SCFD2: variants seen among roughly 807,000 people sequenced by gnomAD.
The protein encoded by SCFD2 is sec1 family domain containing 2.
SCFD2 carries 54 observed loss-of-function variants against 58.9 expected under a neutral mutation model. The ratio of observed to expected loss-of-function variants is 0.92; its 90% CI spans 0.74 to 1.15. The LOEUF (loss-of-function observed/expected upper bound fraction) is 1.15, where lower values mean the gene tolerates loss of function less well. Ranked by LOEUF, SCFD2 falls within the 50% of genes most tolerant of loss-of-function variation. The pLI is 0.00. For synonymous variants in SCFD2, 321 were observed against 335.9 expected, an observed-to-expected ratio of 0.96 and a Z score of 0.49; for missense variants, 805 against 836.6, an observed-to-expected ratio of 0.96 and a Z score of 0.47.
At chr4:53,140,252 T>C (rs183407378) in intron 5 of SCFD2, among the ~76,000 whole-genome samples, 3,123 of 151,216 alleles carry the variant, frequency 0.021, 41 homozygotes, top group Middle Eastern at 0.048. Flanking sequence ...GGGATATCAT[T>C]TAAACACAGT....
chr4:53,059,557 C>A (rs1163407440), intron 5 of SCFD2, among the ~76,000 whole-genome samples: 2 of 152,058 alleles, frequency 1.3e-5, no homozygotes, highest in Non-Finnish European at 2.9e-5. Context: ...AAAGCAGAGC[C>A]TGGTTTAGTG....
intron 5 of SCFD2, among the ~76,000 whole-genome samples, chr4:53,053,047 A>G (rs1380384966): frequency 6.6e-6 from 1 of 152,122 alleles, no homozygotes; most frequent in African/African-American, 2.4e-5. Flanking sequence ...CAACATGGTG[A>G]AACCCTGTCT....
Position 52,926,194 on chromosome 4 carries a change from T to C in SCFD2, c.1562-5324A>G, listed in dbSNP as rs138121433. On this transcript the variant is annotated intron_variant, in intron 5 of 8. Transcript: ENST00000401642. ...CCAGTCTACCTAGTTCTCTTCTGTT[T>C]GGTTCTCTCAGGAAACAGTCTTGAA... Among the ~76,000 whole-genome samples, 91 of 152,238 alleles carry C rather than the reference T, an allele frequency of 6.0e-4. 1 individual carries two copies. The East Asian group carries it at 0.016, about 26-fold the overall frequency.
intron 4 of SCFD2, among the ~76,000 whole-genome samples, chr4:53,213,003 A>T (rs1728671898): frequency 6.6e-6 from 1 of 152,132 alleles, no homozygotes. Flanking sequence ...ATGTACGAAT[A>T]AGGCTGTTCT....
chr4:53,236,007 A>C (rs1729593930), intron 4 of SCFD2, among the ~76,000 whole-genome samples: 1 of 152,172 alleles, frequency 6.6e-6, no homozygotes, highest in Non-Finnish European at 1.5e-5. Context: ...TGTGATGGTT[A>C]ATATTGAGTG....
rs538909777 is a variant in SCFD2 at position 52,962,037 on chromosome 4, T to C, written c.1562-41167A>G. ...GATGTTGAGTCCCTGCACCTCTGAA[T>C]TGAGAGGATAGTGGTTCCACTGATG... On this transcript the variant is annotated intron_variant, in intron 5 of 8. Transcript: ENST00000401642. 2.6e-5 allele frequency among the ~76,000 whole-genome samples: 4 copies of C among 152,296 alleles called. No homozygotes were observed. In the East Asian group the frequency reaches 5.8e-4, roughly 22 times the overall value.
At chr4:53,215,474 G>C (rs1728790206) in intron 4 of SCFD2, among the ~76,000 whole-genome samples, 1 of 152,138 alleles carries the variant, frequency 6.6e-6, no homozygotes, top group Non-Finnish European at 1.5e-5. Flanking sequence ...AAGAATGCTT[G>C]TGATTTTTGC....
chr4:53,059,041 G>C (rs942630291), intron 5 of SCFD2, among the ~76,000 whole-genome samples: 7 of 152,110 alleles, frequency 4.6e-5, no homozygotes, highest in Non-Finnish European at 7.4e-5. Flanking sequence ...CAAGGGTGTA[G>C]AGTAGAGCCA....
At chr4:53,046,769 G>A (rs181746036) in intron 5 of SCFD2, among the ~76,000 whole-genome samples, 1 of 152,222 alleles carries the variant, frequency 6.6e-6, no homozygotes, top group East Asian at 1.9e-4. Context: ...CCAGGTTCAA[G>A]CAATTCTCCT....
chr4:52,877,144 G>A (rs1290398136), intron 8 of SCFD2, among the ~76,000 whole-genome samples: 1 of 152,214 alleles, frequency 6.6e-6, no homozygotes, highest in Non-Finnish European at 1.5e-5. Context: ...CTCGGGTAGT[G>A]TGCTGGGCTT....
chr4:52,893,887 G>C (rs928038057), intron 7 of SCFD2, among the ~76,000 whole-genome samples: 3 of 152,272 alleles, frequency 2.0e-5, no homozygotes, highest in East Asian at 3.9e-4. Flanking sequence ...CCTTACTGAG[G>C]CCTCTCTCAT....
intron 5 of SCFD2, among the ~76,000 whole-genome samples, chr4:53,085,774 T>C (rs563260163): frequency 6.6e-6 from 1 of 152,160 alleles, no homozygotes; most frequent in South Asian, 2.1e-4. Context: ...GCCAAAAATA[T>C]ACATTGGAGA....
intron 4 of SCFD2, among the ~76,000 whole-genome samples, chr4:53,247,959 C>T (rs753379464): frequency 4.6e-5 from 7 of 151,866 alleles, no homozygotes; most frequent in Non-Finnish European, 1.0e-4. Context: ...TCTACAGCTG[C>T]CAGCGTGAGC....
chr4:53,267,269 G>A (rs1052147483), intron 4 of SCFD2, among the ~76,000 whole-genome samples: 2 of 152,110 alleles, frequency 1.3e-5, no homozygotes, highest in Admixed American at 6.6e-5. Flanking sequence ...GGGGAAAAAC[G>A]AAAGGTTGTC....
chr4:52,958,461 C>T (rs1720763248), intron 5 of SCFD2, among the ~76,000 whole-genome samples: 1 of 152,180 alleles, frequency 6.6e-6, no homozygotes, highest in African/African-American at 2.4e-5. Context: ...ACGTTCCTTT[C>T]AGCAGTAACA....
intron 4 of SCFD2, among the ~76,000 whole-genome samples, chr4:53,164,128 G>A (rs1198692028): frequency 1.3e-5 from 2 of 152,108 alleles, no homozygotes; most frequent in Non-Finnish European, 2.9e-5. Context: ...ATAAGGTACT[G>A]TATATTTGTT....
intron 5 of SCFD2, among the ~76,000 whole-genome samples, chr4:53,133,588 G>T (rs1725856205): frequency 6.6e-6 from 1 of 152,160 alleles, no homozygotes; most frequent in African/African-American, 2.4e-5. Flanking sequence ...CTTTTCCAAA[G>T]AAGAGAGATA....
intron 4 of SCFD2, among the ~76,000 whole-genome samples, chr4:53,255,491 T>C (rs1730578765): frequency 6.6e-6 from 1 of 151,986 alleles, no homozygotes; most frequent in Admixed American, 6.6e-5. Flanking sequence ...TAACCCTGAG[T>C]GGACACAGCA....
chr4:53,176,812 G>A (rs1727344904), intron 4 of SCFD2, among the ~76,000 whole-genome samples: 1 of 152,080 alleles, frequency 6.6e-6, no homozygotes, highest in Non-Finnish European at 1.5e-5. Context: ...AGCTGGGTGT[G>A]GTGGTGGTTG....
Sources: gnomAD v4.1 joint callset for allele counts (sites outside exome capture counted in the v4.1 genomes callset) on GRCh38, gnomAD v4.1.1 for gene constraint, MANE v1.5 for transcripts, NCBI Gene and HGNC (gene_info 2026-07-23, HGNC 2026-07-21) for gene names.